NHS: variants seen among roughly 807,000 people sequenced by gnomAD.
NHS encodes NHS actin remodeling regulator.
Under a neutral mutation model 72.5 loss-of-function variants are expected in NHS, and 5 were observed. The observed-to-expected ratio is 0.07, with a 90% CI of 0.04 to 0.14. The LOEUF (loss-of-function observed/expected upper bound fraction) is 0.14, where lower values mean the gene tolerates loss of function less well. Ranked by LOEUF, NHS falls within the 10% of genes least tolerant of loss-of-function variation. The probability of loss-of-function intolerance (pLI) is 1.00; values close to 1 mark genes in which losing one functional copy is unlikely to be tolerated. For missense variants in NHS, 1,072 were observed against 1,355.7 expected (o/e 0.79, Z 3.29); for synonymous variants, 464 against 547.7 (o/e 0.85, Z 2.13).
intron 1 of NHS, among the ~76,000 whole-genome samples, chrX:17,532,071 T>C (rs1235656655): frequency 9.0e-6 from 1 of 111,146 alleles, no homozygotes; most frequent in East Asian, 2.8e-4. Context: ...AAATATTTGT[T>C]GGTGAAGCCA....
chrX:17,402,117 T>A (rs1234799738), intron 1 of NHS, among the ~76,000 whole-genome samples: 1 of 111,252 alleles, frequency 9.0e-6, no homozygotes, highest in East Asian at 2.8e-4. Flanking sequence ...GCAATGCAAA[T>A]CAAAACCACA....
At chrX:17,622,652 C>G (rs1460036202) in intron 1 of NHS, among the ~76,000 whole-genome samples, 2 of 112,001 alleles carry the variant, frequency 1.8e-5, no homozygotes, top group Admixed American at 9.4e-5. Context: ...TTGGGGTACA[C>G]CCAGTAAGCA....
intron 1 of NHS, among the ~76,000 whole-genome samples, chrX:17,383,559 G>A (rs1011920200): frequency 8.9e-6 from 1 of 112,327 alleles, no homozygotes; most frequent in African/African-American, 3.2e-5. Context: ...GGGAAAGCAA[G>A]CACATCTTCA....
At chrX:17,719,136 AAAGGAAGGAATAATAAGGAG>A (rs1286198006) in intron 3 of NHS, 188 bp from the exon 4 acceptor site, 117 of 328,613 alleles carry the variant, frequency 3.6e-4, no homozygotes, top group Middle Eastern at 2.4e-3. Flanking sequence ...TAAGGAGAAG[AAAGGAAGGAATAATAAGGAG>A]AAGGAAGGAA....
At chrX:17,719,624 C>A (rs769048730) in intron 4 of NHS, among the ~76,000 whole-genome samples, 1 of 109,899 alleles carries the variant, frequency 9.1e-6, no homozygotes, top group Non-Finnish European at 1.9e-5. Context: ...CACTGCCCCC[C>A]ACTCTGCAAA....
At chrX:17,413,936 G>A (rs2064577081) in intron 1 of NHS, among the ~76,000 whole-genome samples, 1 of 112,279 alleles carries the variant, frequency 8.9e-6, no homozygotes, top group Non-Finnish European at 1.9e-5. Flanking sequence ...AAGCTCTGTC[G>A]TATAGAGAAT....
At chrX:17,696,544 T>C (rs2066231667) in intron 3 of NHS, among the ~76,000 whole-genome samples, 1 of 112,434 alleles carries the variant, frequency 8.9e-6, no homozygotes, top group Admixed American at 9.4e-5. Flanking sequence ...TTTTCACTCT[T>C]GGTACTAACC....
chrX:17,650,391 C>T (rs1364344627), intron 1 of NHS, among the ~76,000 whole-genome samples: 2 of 112,648 alleles, frequency 1.8e-5, no homozygotes, highest in African/African-American at 6.5e-5. Context: ...GAAAATTTTA[C>T]AGATCTCTAC....
At chrX:17,608,324 G>A (rs1007339231) in intron 1 of NHS, among the ~76,000 whole-genome samples, 15 of 111,820 alleles carry the variant, frequency 1.3e-4, no homozygotes, top group Non-Finnish European at 2.6e-4. Context: ...TTAAATCCAC[G>A]AACATGGGCC....
intron 1 of NHS, among the ~76,000 whole-genome samples, chrX:17,392,977 T>A (rs2064452650): frequency 8.9e-6 from 1 of 112,379 alleles, no homozygotes; most frequent in Non-Finnish European, 1.9e-5. Context: ...GATTTCTATA[T>A]GTAAATTATA....
intron 1 of NHS, among the ~76,000 whole-genome samples, chrX:17,400,617 AG>A (rs1428945543): frequency 1.8e-5 from 2 of 111,343 alleles, no homozygotes; most frequent in African/African-American, 6.5e-5. Flanking sequence ...GAGAATGAGA[AG>A]AAAACAATTC....
At chrX:17,712,290 T>TATATATATATACAC (rs1396937988) in intron 3 of NHS, among the ~76,000 whole-genome samples, 3 of 53,004 alleles carry the variant, frequency 5.7e-5, no homozygotes, top group Non-Finnish European at 1.0e-4. Flanking sequence ...TATATATATA[T>TATATATATATACAC]ACACACACAC....
At chrX:17,398,225 C>G (rs890347336) in intron 1 of NHS, among the ~76,000 whole-genome samples, 2 of 111,758 alleles carry the variant, frequency 1.8e-5, no homozygotes, top group African/African-American at 6.5e-5. Context: ...TCTCCAGAAC[C>G]AGAACAGATT....
chrX:17,714,075 T>TG (rs2066350550), intron 3 of NHS, among the ~76,000 whole-genome samples: 3 of 110,465 alleles, frequency 2.7e-5, no homozygotes, highest in African/African-American at 9.9e-5. Flanking sequence ...TGCTGCAAGT[T>TG]GGAGTCTGAA....
At chrX:17,610,813 C>T (rs1272285225) in intron 1 of NHS, among the ~76,000 whole-genome samples, 1 of 112,260 alleles carries the variant, frequency 8.9e-6, no homozygotes, top group East Asian at 2.8e-4. Context: ...TAACACTTGC[C>T]TCTCCAAAGA....
chrX:17,597,432 T>G (rs1259096025), intron 1 of NHS, among the ~76,000 whole-genome samples: 1 of 101,415 alleles, frequency 9.9e-6, no homozygotes, highest in Non-Finnish European at 2.0e-5. Flanking sequence ...GCTATTCTCT[T>G]TTTTTTTTTT....
chrX:17,486,806 G>C (rs1416628770), intron 1 of NHS, among the ~76,000 whole-genome samples: 2 of 112,096 alleles, frequency 1.8e-5, no homozygotes, highest in African/African-American at 6.5e-5. Flanking sequence ...GGATGTTACT[G>C]TGTGCCAGGC....
intron 1 of NHS, among the ~76,000 whole-genome samples, chrX:17,385,823 A>T (rs2064404639): frequency 8.9e-6 from 1 of 112,484 alleles, no homozygotes; most frequent in Non-Finnish European, 1.9e-5. Flanking sequence ...GGATCTAAAG[A>T]TATCTGTGCC....
chrX:17,726,060 G>A lies in NHS; in HGVS notation c.1954G>A (p.Ala652Thr). 2 of 1,211,782 alleles carry A rather than the reference G, an allele frequency of 1.7e-6. No individual in the cohort carries two copies. The highest frequency in any genetic ancestry group is 2.2e-6 in the Non-Finnish European group (2 of 895,486). Residue 652 changes from alanine (A) to threonine (T), a missense_variant, in exon 7 of 9, where the codon GCA (alanine) becomes ACA (threonine). Transcript: ENST00000676302. ...GCAGACCTCAGAAACCATCCCTCCT[G>A]CAGCTTCTCCTCCACTCACTGGCTC... ...PSQTSETIPP[A>T]ASPPLTGSSH...
Sources: gnomAD v4.1 joint callset for allele counts (sites outside exome capture counted in the v4.1 genomes callset) on GRCh38, gnomAD v4.1.1 for gene constraint, MANE v1.5 for transcripts, NCBI Gene and HGNC (gene_info 2026-07-23, HGNC 2026-07-21) for gene names.